ASIC2: variants seen among roughly 807,000 people sequenced by gnomAD.
The protein encoded by ASIC2 is acid-sensing ion channel 2.
In ASIC2, 25 loss-of-function variants were observed where a neutral mutation model predicts 57.3. The ratio of observed to expected loss-of-function variants is 0.44; its 90% CI spans 0.32 to 0.61. The LOEUF (loss-of-function observed/expected upper bound fraction) is 0.61. ASIC2 is among the 20% of genes least tolerant of loss of function. ASIC2 has a pLI of 0.06. For synonymous variants in ASIC2, 319 were observed against 307.5 expected, an observed-to-expected ratio of 1.04 and a Z score of -0.39; for missense variants, 641 against 738.1, an observed-to-expected ratio of 0.87 and a Z score of 1.52.
chr17:33,856,505 T>TAGA (rs1913942415), intron 1 of ASIC2, among the ~76,000 whole-genome samples: 1 of 128,670 alleles, frequency 7.8e-6, no homozygotes, highest in Non-Finnish European at 1.7e-5. Context: ...GTGTTGTCAG[T>TAGA]AGTAGTGGTG....
chr17:34,084,228 G>A (rs1367150411), intron 1 of ASIC2, among the ~76,000 whole-genome samples: 2 of 151,782 alleles, frequency 1.3e-5, no homozygotes, highest in Non-Finnish European at 2.9e-5. Flanking sequence ...TCCAGTTTCA[G>A]CTTTCTACAT....
intron 1 of ASIC2, among the ~76,000 whole-genome samples, chr17:33,160,260 A>G (rs1905126868): frequency 1.3e-5 from 2 of 150,822 alleles, no homozygotes; most frequent in African/African-American, 4.8e-5. Context: ...GTGAATAATG[A>G]TTATTGTTAA....
At chr17:33,777,512 C>G (rs532502073) in intron 1 of ASIC2, among the ~76,000 whole-genome samples, 7 of 152,016 alleles carry the variant, frequency 4.6e-5, no homozygotes, top group Non-Finnish European at 8.8e-5. Context: ...TCCCTCCCAG[C>G]CCACCAACCC....
chr17:33,852,467 T>G (rs1047497856), intron 1 of ASIC2, among the ~76,000 whole-genome samples: 1 of 152,162 alleles, frequency 6.6e-6, no homozygotes, highest in African/African-American at 2.4e-5. Context: ...GAGCACCAAT[T>G]ATGTGAAGGC....
intron 1 of ASIC2, among the ~76,000 whole-genome samples, chr17:33,382,484 T>G (rs1909524125): frequency 6.6e-6 from 1 of 152,176 alleles, no homozygotes; most frequent in Non-Finnish European, 1.5e-5. Context: ...GTATCTCTTA[T>G]GCTACAAACA....
At chr17:33,474,868 G>A (rs967772434) in intron 1 of ASIC2, among the ~76,000 whole-genome samples, 1 of 152,136 alleles carries the variant, frequency 6.6e-6, no homozygotes, top group Non-Finnish European at 1.5e-5. Context: ...TTAGAGGTAG[G>A]ACTAGGGAGC....
chr17:33,198,181 C>T (rs955080509), intron 1 of ASIC2, among the ~76,000 whole-genome samples: 1 of 152,138 alleles, frequency 6.6e-6, no homozygotes, highest in African/African-American at 2.4e-5. Context: ...GAAACCCCAT[C>T]TCTACAAAAG....
intron 1 of ASIC2, among the ~76,000 whole-genome samples, chr17:34,085,717 C>T (rs1598016271): frequency 1.3e-5 from 2 of 152,128 alleles, no homozygotes; most frequent in African/African-American, 4.8e-5. Context: ...AATTTCAGCT[C>T]CTGTTATTGG....
chr17:33,631,366 G>A (rs1425369254), intron 1 of ASIC2, among the ~76,000 whole-genome samples: 1 of 145,388 alleles, frequency 6.9e-6, no homozygotes, highest in East Asian at 2.0e-4. Flanking sequence ...TTTGATGCCA[G>A]CCCGTCTCAG....
At chr17:33,813,446 G>T (rs902572468) in intron 1 of ASIC2, among the ~76,000 whole-genome samples, 12 of 151,848 alleles carry the variant, frequency 7.9e-5, no homozygotes, top group African/African-American at 2.9e-4. Flanking sequence ...TTTGATTTTT[G>T]TTTTTTTTGT....
chr17:33,954,206 C>T (rs534064039), intron 1 of ASIC2, among the ~76,000 whole-genome samples: 32 of 152,290 alleles, frequency 2.1e-4, no homozygotes, highest in Middle Eastern at 3.4e-3. Context: ...GATGCAGCAG[C>T]GGTCAATGCA....
intron 1 of ASIC2, among the ~76,000 whole-genome samples, chr17:33,418,804 G>C (rs913563912): frequency 1.4e-4 from 21 of 152,138 alleles, no homozygotes; most frequent in African/African-American, 4.8e-4. Context: ...CCTTTGCAGG[G>C]ACCCGGATGA....
At chr17:33,338,536 G>C (rs1300443794) in intron 1 of ASIC2, among the ~76,000 whole-genome samples, 1 of 152,156 alleles carries the variant, frequency 6.6e-6, no homozygotes. Context: ...AGGGAAAAAG[G>C]AACAAGATGT....
chr17:34,028,542 AT>A (rs1244365900), intron 1 of ASIC2, among the ~76,000 whole-genome samples: 4 of 152,166 alleles, frequency 2.6e-5, no homozygotes, highest in Non-Finnish European at 5.9e-5. Flanking sequence ...CCAGCTATGA[AT>A]TTACTCTTTT....
chr17:33,164,576 G>GCGCGCACA (rs386418951), intron 1 of ASIC2, among the ~76,000 whole-genome samples: 9 of 149,782 alleles, frequency 6.0e-5, no homozygotes, highest in Admixed American at 2.7e-4. Flanking sequence ...GCACATGCAC[G>GCGCGCACA]CACACACACA....
Position 34,124,327 on chromosome 17 carries a change from G to A in ASIC2, c.555+31651C>T, listed in dbSNP as rs80211890. Among the ~76,000 whole-genome samples, 81 of 152,186 alleles carry A rather than the reference G, an allele frequency of 5.3e-4. No individual in the cohort carries two copies. The East Asian group carries it at 0.012, about 23-fold the overall frequency. On this transcript the variant is annotated intron_variant, in intron 1 of 9. Coordinates refer to the ASIC2 transcript ENST00000359872. ...CAGTTTAAAGGCTGCTTCACGCACCGAAGCACCACTGACCTACACAATAGC... is the reference window on the plus strand; with the variant it reads ...CAGTTTAAAGGCTGCTTCACGCACCAAAGCACCACTGACCTACACAATAGC...
chr17:33,714,287 G>T (rs1227148908), intron 1 of ASIC2, among the ~76,000 whole-genome samples: 1 of 152,164 alleles, frequency 6.6e-6, no homozygotes, highest in Non-Finnish European at 1.5e-5. Flanking sequence ...AGCATGCAAT[G>T]AAGCATGTAA....
chr17:33,871,491 G>A (rs1221894571), intron 1 of ASIC2, among the ~76,000 whole-genome samples: 2 of 152,174 alleles, frequency 1.3e-5, no homozygotes, highest in Non-Finnish European at 2.9e-5. Flanking sequence ...GACAATGAGT[G>A]GAGAAGGTCC....
chr17:33,972,920 C>T (rs528769338), intron 1 of ASIC2, among the ~76,000 whole-genome samples: 104 of 152,332 alleles, frequency 6.8e-4, no homozygotes, highest in African/African-American at 1.5e-3. Context: ...CTCTGGGTCA[C>T]AGTTTCCTTC....
Sources: allele counts gnomAD v4.1 joint callset (sites outside exome capture counted in the v4.1 genomes callset), GRCh38; gene constraint gnomAD v4.1.1; transcripts MANE v1.5; gene names NCBI Gene and HGNC (gene_info 2026-07-23, HGNC 2026-07-21).